The following ATE1 variants were observed in gnomAD, a reference collection of about 807,000 sequenced individuals.
ATE1 encodes arginyl-tRNA--protein transferase 1.
In ATE1, 36 loss-of-function variants were observed where a neutral mutation model predicts 70.5. The ratio of observed to expected loss-of-function variants is 0.51; its 90% confidence interval spans 0.39 to 0.67. ATE1 has a LOEUF of 0.67. Among genes scored for constraint, ATE1 ranks in the 30% least tolerant of loss-of-function variants. ATE1 has a pLI of 0.00. For synonymous variants in ATE1, 232 were observed against 219.3 expected, an observed-to-expected ratio of 1.06 and a Z score of -0.51; for missense variants, 593 against 629.5, an observed-to-expected ratio of 0.94 and a Z score of 0.62.
chr10:121,871,902 T>C (rs768289552), intron 7 of ATE1, among the ~76,000 whole-genome samples: 18 of 152,228 alleles, frequency 1.2e-4, no homozygotes, highest in Admixed American at 5.2e-4. Context: ...AATAATTTTA[T>C]TGAAATTTAA....
At chr10:121,893,119 T>C (rs930540276) in intron 7 of ATE1, among the ~76,000 whole-genome samples, 1 of 151,484 alleles carries the variant, frequency 6.6e-6, no homozygotes, top group Admixed American at 6.6e-5. Context: ...CTACTAAAAA[T>C]ACAAAAAATT....
chr10:121,785,476 T>TC (rs1946166332), intron 11 of ATE1, among the ~76,000 whole-genome samples: 1 of 152,098 alleles, frequency 6.6e-6, no homozygotes, highest in Admixed American at 6.5e-5. Flanking sequence ...AACTGGTTCT[T>TC]CCACAAACAA....
chr10:121,815,240 A>T (rs1159325353), intron 10 of ATE1, among the ~76,000 whole-genome samples: 1 of 152,178 alleles, frequency 6.6e-6, no homozygotes, highest in African/African-American at 2.4e-5. Flanking sequence ...GGTTCACGCC[A>T]TTCTCCTGCC....
intron 11 of ATE1, among the ~76,000 whole-genome samples, chr10:121,774,605 A>G (rs1375533679): frequency 6.6e-6 from 1 of 152,208 alleles, no homozygotes; most frequent in Non-Finnish European, 1.5e-5. Context: ...AGCTTTACAG[A>G]GCACGTTCAT....
At chr10:121,871,493 G>A (rs1590579828) in intron 7 of ATE1, among the ~76,000 whole-genome samples, 2 of 152,142 alleles carry the variant, frequency 1.3e-5, no homozygotes, top group Admixed American at 1.3e-4. Context: ...AAACAGACTA[G>A]ACATGACATT....
chr10:121,869,311 A>G (rs1949770937), intron 8 of ATE1, among the ~76,000 whole-genome samples: 1 of 152,204 alleles, frequency 6.6e-6, no homozygotes, highest in Non-Finnish European at 1.5e-5. Flanking sequence ...TTCTTCACAT[A>G]ACTCTGCTTC....
chr10:121,822,940 A>G (rs1222213627), intron 10 of ATE1, among the ~76,000 whole-genome samples: 1 of 152,152 alleles, frequency 6.6e-6, no homozygotes, highest in Non-Finnish European at 1.5e-5. Context: ...CTGACTCATC[A>G]TATACACCTA....
chr10:121,839,249 T>C (rs959025143), intron 9 of ATE1, among the ~76,000 whole-genome samples: 4 of 152,194 alleles, frequency 2.6e-5, no homozygotes, highest in African/African-American at 9.6e-5. Flanking sequence ...AATAGAACTC[T>C]TGCTAATTTT....
chr10:121,770,750 AACT>A (rs1945482336), intron 11 of ATE1, among the ~76,000 whole-genome samples: 1 of 151,388 alleles, frequency 6.6e-6, no homozygotes, highest in East Asian at 1.9e-4. Context: ...AAAAAAAAAA[AACT>A]CTTATTAGAA....
intron 8 of ATE1, among the ~76,000 whole-genome samples, chr10:121,844,643 A>G (rs1948748972): frequency 1.3e-5 from 2 of 152,220 alleles, no homozygotes; most frequent in South Asian, 2.1e-4. Flanking sequence ...GTGAATGTTT[A>G]TAACAGTTTT....
At chr10:121,771,365 G>A (rs1327488708) in intron 11 of ATE1, among the ~76,000 whole-genome samples, 2 of 152,052 alleles carry the variant, frequency 1.3e-5, no homozygotes, top group Non-Finnish European at 2.9e-5. Context: ...CACCGTGCCC[G>A]GCCTCTCTCT....
intron 9 of ATE1, among the ~76,000 whole-genome samples, chr10:121,839,471 A>G (rs1041767164): frequency 1.3e-4 from 20 of 152,238 alleles, no homozygotes; most frequent in Non-Finnish European, 2.4e-4. Context: ...CAATTATTTG[A>G]AAGTATTGAC....
chr10:121,841,251 G>C lies in ATE1; in HGVS notation c.988C>G (p.Pro330Ala), dbSNP rs141790932. ...CCATAGCCACAATCTGGCCCATTAG[G>C]GGGAGTCTCTGCCTAAGAAAAAGCA... ...CSSPLEAETPPNGPDCGYGSF... is the reference protein window; with the variant it reads ...CSSPLEAETPANGPDCGYGSF... The change falls in exon 9 of 12, where the codon CCT becomes GCT. Residue 330 changes from proline (P) to alanine (A), a missense_variant. Pro to Ala is a conservative substitution (Grantham distance 27). This residue lies in a region of ATE1 where 467 missense variants were observed against 469.6 expected (regional missense o/e 0.99). Transcript: ENST00000224652. The C allele has an allele frequency of 2.6e-6, 4 of 1,511,464 alleles. No homozygotes were observed. The highest frequency in any genetic ancestry group is 4.7e-5 in the East Asian group (2 of 42,118). The allele number at this position is 1,511,464 out of a possible 1,614,324, so 93.6% of individuals were successfully genotyped here.
intron 11 of ATE1, among the ~76,000 whole-genome samples, chr10:121,779,597 A>C (rs1014120241): frequency 6.7e-6 from 1 of 149,570 alleles, no homozygotes; most frequent in African/African-American, 2.5e-5. Flanking sequence ...ATTCCTTCTC[A>C]CAGACCCTGA....
chr10:121,902,370 A>G (rs1951015202), intron 6 of ATE1, 21 bp downstream of exon 6: 1 of 1,589,464 alleles, frequency 6.3e-7, no homozygotes, highest in African/African-American at 1.4e-5. Context: ...TAAAACAAAC[A>G]ACAAAAGTCC....
intron 8 of ATE1, chr10:121,846,599 G>A (rs1346913969): frequency 6.6e-6 from 1 of 152,138 alleles, no homozygotes; most frequent in African/African-American, 2.4e-5. Flanking sequence ...ATGCTGTTTG[G>A]GGCTGGTCTG....
intron 5 of ATE1, among the ~76,000 whole-genome samples, chr10:121,908,954 G>C (rs1190303484): frequency 6.6e-6 from 1 of 152,186 alleles, no homozygotes; most frequent in African/African-American, 2.4e-5. Flanking sequence ...ACCCAGTTGA[G>C]GAATGATGGA....
intron 10 of ATE1, among the ~76,000 whole-genome samples, chr10:121,822,881 T>C (rs959933770): frequency 2.6e-5 from 4 of 152,216 alleles, no homozygotes; most frequent in African/African-American, 9.6e-5. Context: ...ATGTTCCTTT[T>C]GTCTGGGCAT....
intron 7 of ATE1, among the ~76,000 whole-genome samples, chr10:121,884,097 C>T (rs1950305591): frequency 8.9e-6 from 1 of 111,906 alleles, no homozygotes; most frequent in African/African-American, 3.9e-5. Flanking sequence ...CACAGTGAGA[C>T]CCAGACTCAA....
Sources: gnomAD v4.1 joint callset for allele counts (sites outside exome capture counted in the v4.1 genomes callset) on GRCh38, gnomAD v4.1.1 for gene constraint, gnomAD v4.1.1 regional missense constraint, MANE v1.5 for transcripts, NCBI Gene and HGNC (gene_info 2026-07-23, HGNC 2026-07-21) for gene names.